Variants in GLIS1 observed in about 807,000 individuals in gnomAD.
The protein encoded by GLIS1 is zinc finger protein GLIS1.
GLIS1 carries 24 observed loss-of-function variants against 63.8 expected under a neutral mutation model. That is an observed-to-expected ratio of 0.38 (90% CI 0.27 to 0.53). The LOEUF is 0.53. GLIS1 is among the 20% of genes least tolerant of loss of function. The probability of loss-of-function intolerance (pLI) is 0.85; values close to 1 mark genes in which losing one functional copy is unlikely to be tolerated. For synonymous variants in GLIS1, 450 were observed against 482.5 expected, an observed-to-expected ratio of 0.93 and a Z score of 0.88; for missense variants, 1,036 against 1,074.1, an observed-to-expected ratio of 0.96 and a Z score of 0.50.
At chr1:53,590,134 T>C (rs1645174192) in intron 4 of GLIS1, among the ~76,000 whole-genome samples, 2 of 152,204 alleles carry the variant, frequency 1.3e-5, no homozygotes, top group African/African-American at 4.8e-5. Context: ...TGGAGTGTGA[T>C]GGGGAAGCAA....
chr1:53,697,164 CA>C (rs1646473982), intron 2 of GLIS1, among the ~76,000 whole-genome samples: 1 of 152,178 alleles, frequency 6.6e-6, no homozygotes, highest in East Asian at 1.9e-4. Flanking sequence ...AAGACGGTCA[CA>C]GCAACAAACC....
intron 2 of GLIS1, among the ~76,000 whole-genome samples, chr1:53,669,119 G>A (rs1333900588): frequency 3.3e-5 from 5 of 152,200 alleles, no homozygotes; most frequent in African/African-American, 7.2e-5. Context: ...CTAGCTCAGC[G>A]CTCCTGCAGA....
chr1:53,578,096 G>A (rs1426912027), intron 4 of GLIS1, among the ~76,000 whole-genome samples: 2 of 152,162 alleles, frequency 1.3e-5, no homozygotes, highest in Admixed American at 6.5e-5. Context: ...GGGGACCTTG[G>A]AGTCCACTAG....
intron 2 of GLIS1, among the ~76,000 whole-genome samples, chr1:53,629,695 C>G (rs1438040972): frequency 6.6e-6 from 1 of 152,230 alleles, no homozygotes; most frequent in Non-Finnish European, 1.5e-5. Flanking sequence ...CACCTTCCTG[C>G]AAGAGGCCTG....
Position 53,655,608 on chromosome 1 carries a change from G to A in GLIS1, c.260-55330C>T, listed in dbSNP as rs557629588. Among the ~76,000 whole-genome samples, 10 of 152,218 alleles carry A rather than the reference G, an allele frequency of 6.6e-5. No individual in the cohort carries two copies. The South Asian group carries it at 1.9e-3, about 28-fold the overall frequency. On this transcript the variant is annotated intron_variant, in intron 2 of 10. Coordinates refer to ENST00000628545, the MANE Select transcript of GLIS1 (RefSeq NM_001367484.1). ...GAGTGAGATGCACCAGATAAGAATC[G>A]CATTCTAATATTTCTTCCCCCACCC...
chr1:53,643,474 A>G (rs1040622659), intron 2 of GLIS1, among the ~76,000 whole-genome samples: 2 of 152,210 alleles, frequency 1.3e-5, no homozygotes, highest in Non-Finnish European at 2.9e-5. Flanking sequence ...ATGCACAGAC[A>G]GTGTGGCCTT....
chr1:53,692,955 A>G lies in GLIS1; in HGVS notation c.259+44851T>C, dbSNP rs1646423233. 5.3e-5 allele frequency among the ~76,000 whole-genome samples: 8 copies of G among 152,316 alleles called. No individual in the cohort carries two copies. The South Asian group carries it at 1.7e-3, about 32-fold the overall frequency. ...GACTCCCAGGGGCCCATCCCATCCC[A>G]GGAAGCACCTCCAGAGCCCTTTTCT... On this transcript the variant is annotated intron_variant, in intron 2 of 10. Coordinates refer to ENST00000628545, the MANE Select transcript of GLIS1 (RefSeq NM_001367484.1).
chr1:53,570,679 A>T (rs1242256373), intron 4 of GLIS1, among the ~76,000 whole-genome samples: 1 of 152,202 alleles, frequency 6.6e-6, no homozygotes, highest in Non-Finnish European at 1.5e-5. Flanking sequence ...TATATGACAG[A>T]GTGGCACTAC....
chr1:53,678,823 T>C (rs1646243496), intron 2 of GLIS1, among the ~76,000 whole-genome samples: 1 of 152,214 alleles, frequency 6.6e-6, no homozygotes, highest in Middle Eastern at 3.4e-3. Flanking sequence ...TAACTGGAAA[T>C]GGAAAGCACC....
chr1:53,605,688 C>T (rs1645363139), intron 2 of GLIS1, among the ~76,000 whole-genome samples: 1 of 152,196 alleles, frequency 6.6e-6, no homozygotes, highest in Non-Finnish European at 1.5e-5. Flanking sequence ...GTCAATGTGG[C>T]CCTCAGCATG....
intron 2 of GLIS1, among the ~76,000 whole-genome samples, chr1:53,632,062 C>T (rs369053876): frequency 2.0e-4 from 26 of 131,680 alleles, no homozygotes; most frequent in South Asian, 5.2e-4. Flanking sequence ...AATGAGTGTG[C>T]GGGATGTGTG....
At chr1:53,705,403 C>G (rs1278446392) in intron 2 of GLIS1, among the ~76,000 whole-genome samples, 1 of 152,168 alleles carries the variant, frequency 6.6e-6, no homozygotes. Flanking sequence ...AAGTGCTGAT[C>G]AATACAGGAT....
chr1:53,541,467 A>G (rs1644642339), intron 4 of GLIS1, among the ~76,000 whole-genome samples: 1 of 152,258 alleles, frequency 6.6e-6, no homozygotes, highest in Admixed American at 6.5e-5. Flanking sequence ...CCATATGTGC[A>G]TGAGGCCTAG....
At chr1:53,568,583 C>G (rs1644955968) in intron 4 of GLIS1, among the ~76,000 whole-genome samples, 1 of 152,156 alleles carries the variant, frequency 6.6e-6, no homozygotes, top group South Asian at 2.1e-4. Context: ...CAAATTTCAT[C>G]TCAAATTGTA....
chr1:53,724,897 T>C (rs1646790226), intron 2 of GLIS1, among the ~76,000 whole-genome samples: 1 of 151,836 alleles, frequency 6.6e-6, no homozygotes. Flanking sequence ...CACTGTAGGA[T>C]AATGAAAAAA....
At chr1:53,632,140 G>T (rs958636086) in intron 2 of GLIS1, among the ~76,000 whole-genome samples, 1 of 150,322 alleles carries the variant, frequency 6.7e-6, no homozygotes, top group Non-Finnish European at 1.5e-5. Flanking sequence ...GTGACTGAGG[G>T]GTGTGTGACT....
rs765377902 is a variant in GLIS1, at chr1:53,594,704, C to T, written c.724G>A (p.Val242Ile). The T allele has an allele frequency of 3.1e-5, 48 of 1,558,142 alleles. No individual in the cohort carries two copies. Among genetic ancestry groups the T allele is most frequent in the African/African-American group, 5.4e-5 (4 of 73,696 alleles). Residue 242 changes from valine (V) to isoleucine (I), a missense_variant, in exon 4 of 11, where the codon GTC becomes ATC. Physicochemically the swap from Val to Ile is conservative, Grantham distance 29. This residue lies in a region of GLIS1 where 592 missense variants were observed against 593.9 expected (regional missense o/e 1.00). Transcript: ENST00000628545. ...LPEGSLKRCC[V>I]LGLPPTSPAS... Reference sequence around the variant, plus strand: ...GGGGAGGTGGGGGGTAGGCCCAAGACGCAGCACCGCTTCAGGCTGCCCTCG... The same window carrying T: ...GGGGAGGTGGGGGGTAGGCCCAAGATGCAGCACCGCTTCAGGCTGCCCTCG...
chr1:53,565,793 C>CAAAT (rs1019044894), intron 4 of GLIS1, among the ~76,000 whole-genome samples: 2 of 151,840 alleles, frequency 1.3e-5, no homozygotes, highest in Non-Finnish European at 2.9e-5. Context: ...TAATCTTATA[C>CAAAT]AAATTCTTCA....
intron 2 of GLIS1, among the ~76,000 whole-genome samples, chr1:53,713,969 G>A (rs1646671927): frequency 6.6e-6 from 1 of 152,216 alleles, no homozygotes; most frequent in Admixed American, 6.5e-5. Flanking sequence ...CTGTGCCCCA[G>A]CTTTAGGGTG....
Sources: allele counts gnomAD v4.1 joint callset (sites outside exome capture counted in the v4.1 genomes callset), GRCh38; gene constraint gnomAD v4.1.1; regional missense constraint gnomAD v4.1.1; transcripts MANE v1.5; gene names NCBI Gene and HGNC (gene_info 2026-07-23, HGNC 2026-07-21).